The following FHIT variants were observed in gnomAD, a reference collection of about 807,000 sequenced individuals.
The protein encoded by FHIT is fragile histidine triad diadenosine triphosphatase.
Under a neutral mutation model 17.9 loss-of-function variants are expected in FHIT, and 19 were observed. That is an observed-to-expected ratio of 1.06 (90% confidence interval 0.74 to 1.56). The LOEUF is 1.56. Among genes scored for constraint, FHIT ranks in the 40% most tolerant of loss-of-function variants. The pLI is 0.00. For synonymous variants in FHIT, 81 were observed against 69.7 expected, an observed-to-expected ratio of 1.16 and a Z score of -0.81; for missense variants, 248 against 189.2, an observed-to-expected ratio of 1.31 and a Z score of -1.82.
intron 7 of FHIT, among the ~76,000 whole-genome samples, chr3:60,009,568 G>A (rs530667800): frequency 2.0e-5 from 3 of 151,930 alleles, no homozygotes; most frequent in Non-Finnish European, 4.4e-5. Context: ...TACACAATCT[G>A]TAGCCATAGT....
intron 8 of FHIT, among the ~76,000 whole-genome samples, chr3:59,826,562 G>C (rs146567286): frequency 6.6e-6 from 1 of 152,350 alleles, no homozygotes; most frequent in East Asian, 1.9e-4. Flanking sequence ...AGGCTTCTTG[G>C]GGAAATGACC....
chr3:59,898,695 G>A (rs1466374884), intron 8 of FHIT, among the ~76,000 whole-genome samples: 1 of 144,968 alleles, frequency 6.9e-6, no homozygotes, highest in African/African-American at 2.5e-5. Flanking sequence ...TATGGTCTCT[G>A]TCTTTCTCCT....
intron 2 of FHIT, among the ~76,000 whole-genome samples, chr3:61,110,988 G>A (rs571659168): frequency 2.6e-5 from 4 of 152,234 alleles, no homozygotes; most frequent in East Asian, 1.9e-4. Flanking sequence ...ACTCTCCAGC[G>A]CCCCTTAACT....
chr3:60,572,849 T>C (rs566218856), intron 4 of FHIT, among the ~76,000 whole-genome samples: 7 of 152,214 alleles, frequency 4.6e-5, no homozygotes, highest in South Asian at 4.2e-4. Context: ...CTGGGACCAG[T>C]TGGTCAGCAA....
chr3:61,230,876 T>A (rs1463521845), intron 1 of FHIT, among the ~76,000 whole-genome samples: 1 of 152,186 alleles, frequency 6.6e-6, no homozygotes, highest in African/African-American at 2.4e-5. Context: ...CTATTAAATT[T>A]GATTCCTACA....
intron 2 of FHIT, among the ~76,000 whole-genome samples, chr3:61,074,348 C>A (rs920978276): frequency 6.6e-6 from 1 of 152,092 alleles, no homozygotes; most frequent in Non-Finnish European, 1.5e-5. Flanking sequence ...AAAGAGTATG[C>A]AAGAATATCT....
intron 1 of FHIT, among the ~76,000 whole-genome samples, chr3:61,246,616 G>A (rs866741524): frequency 2.0e-5 from 3 of 151,652 alleles, no homozygotes; most frequent in Non-Finnish European, 4.4e-5. Context: ...AACACCACAC[G>A]TTCTCACTCA....
At chr3:59,996,242 T>C (rs17061705) in intron 7 of FHIT, among the ~76,000 whole-genome samples, 14,009 of 152,148 alleles carry the variant, frequency 0.092, 701 homozygotes, top group Middle Eastern at 0.13. Context: ...TAGCTAACAG[T>C]GGACAGCATC....
intron 3 of FHIT, among the ~76,000 whole-genome samples, chr3:60,854,887 C>T (rs1553749473): frequency 1.3e-5 from 2 of 152,142 alleles, no homozygotes; most frequent in East Asian, 3.9e-4. Flanking sequence ...TAAAGTGGAT[C>T]TTAGGAAGGG....
At chr3:60,734,685 A>G (rs1400297955) in intron 4 of FHIT, among the ~76,000 whole-genome samples, 1 of 152,222 alleles carries the variant, frequency 6.6e-6, no homozygotes, top group East Asian at 1.9e-4. Context: ...TATATTTTAG[A>G]GGATAGATAA....
At chr3:60,712,503 C>T (rs1436269627) in intron 4 of FHIT, among the ~76,000 whole-genome samples, 3 of 151,394 alleles carry the variant, frequency 2.0e-5, no homozygotes, top group Non-Finnish European at 4.4e-5. Flanking sequence ...AGAGTCAAGA[C>T]CCATCAGTGT....
At chr3:60,040,229 T>G (rs990144651) in intron 5 of FHIT, among the ~76,000 whole-genome samples, 1 of 152,192 alleles carries the variant, frequency 6.6e-6, no homozygotes, top group Non-Finnish European at 1.5e-5. Flanking sequence ...CACTGCAACC[T>G]CCGCCTCCCA....
At chr3:60,363,761 T>A (rs1020116465) in intron 5 of FHIT, among the ~76,000 whole-genome samples, 1 of 152,194 alleles carries the variant, frequency 6.6e-6, no homozygotes, top group Admixed American at 6.5e-5. Context: ...CTGGCCCCCC[T>A]GGCCCCCCTG....
intron 4 of FHIT, among the ~76,000 whole-genome samples, chr3:60,690,957 AAT>A (rs78636318): frequency 2.1e-3 from 326 of 152,138 alleles, no homozygotes; most frequent in Non-Finnish European, 3.7e-3. Flanking sequence ...CCAAAAAAAA[AAT>A]ATCTGATTTT....
chr3:60,875,300 A>C (rs1384948836), intron 3 of FHIT, among the ~76,000 whole-genome samples: 1 of 152,136 alleles, frequency 6.6e-6, no homozygotes, highest in Non-Finnish European at 1.5e-5. Flanking sequence ...CTAGAATTCT[A>C]CCCACCTCTT....
At chr3:60,498,984 T>C (rs1288962738) in intron 5 of FHIT, among the ~76,000 whole-genome samples, 1 of 152,242 alleles carries the variant, frequency 6.6e-6, no homozygotes, top group African/African-American at 2.4e-5. Context: ...ATGTGTTATC[T>C]TGACATTGGC....
chr3:60,921,922 C>A (rs1028215348), intron 3 of FHIT, among the ~76,000 whole-genome samples: 33 of 152,262 alleles, frequency 2.2e-4, no homozygotes, highest in African/African-American at 7.7e-4. Context: ...ATAATGTAGT[C>A]GGCCAGGCTC....
At chr3:60,585,856 T>C (rs970940648) in intron 4 of FHIT, among the ~76,000 whole-genome samples, 23 of 152,016 alleles carry the variant, frequency 1.5e-4, no homozygotes, top group African/African-American at 4.3e-4. Flanking sequence ...TTTTTTTTAA[T>C]TCCAGATTTG....
chr3:59,768,102 T>C (rs372055750), intron 8 of FHIT, among the ~76,000 whole-genome samples: 22 of 152,264 alleles, frequency 1.4e-4, no homozygotes, highest in African/African-American at 5.1e-4. Flanking sequence ...ACTAAAAAGG[T>C]CCCTCAACTA....
Sources: gnomAD v4.1 joint callset for allele counts (sites outside exome capture counted in the v4.1 genomes callset) on GRCh38, gnomAD v4.1.1 for gene constraint, MANE v1.5 for transcripts, NCBI Gene and HGNC (gene_info 2026-07-23, HGNC 2026-07-21) for gene names.